The following PPHLN1 variants were observed in gnomAD, a reference collection of about 807,000 sequenced individuals.
PPHLN1 encodes the protein periphilin 1, also known as periphilin-1.
PPHLN1 carries 29 observed loss-of-function variants against 51.3 expected under a neutral mutation model. The observed-to-expected ratio is 0.57, with a 90% confidence interval of 0.42 to 0.77. The LOEUF is 0.77. Ranked by LOEUF, PPHLN1 falls within the 30% of genes least tolerant of loss-of-function variation. PPHLN1 has a pLI of 0.00. For missense variants in PPHLN1, 436 were observed against 438.4 expected (o/e 0.99, Z 0.05); for synonymous variants, 147 against 147.8 (o/e 0.99, Z 0.04).
At chr12:42,372,119 A>G (rs1015698156) in intron 4 of PPHLN1, among the ~76,000 whole-genome samples, 11 of 152,154 alleles carry the variant, frequency 7.2e-5, no homozygotes, top group Non-Finnish European at 1.3e-4. Context: ...TGGACACTAT[A>G]TACATTATAT....
At chr12:42,422,621 T>A (rs2081103106) in intron 9 of PPHLN1, among the ~76,000 whole-genome samples, 1 of 152,238 alleles carries the variant, frequency 6.6e-6, no homozygotes, top group Admixed American at 6.5e-5. Context: ...AAAGTTACAA[T>A]GTTGTAAACT....
intron 3 of PPHLN1, among the ~76,000 whole-genome samples, chr12:42,352,564 C>T (rs547709672): frequency 4.0e-5 from 6 of 151,646 alleles, no homozygotes; most frequent in Admixed American, 1.3e-4. Flanking sequence ...CACGTGCCAC[C>T]GTGCCTGGCT....
In PPHLN1 at chr12:42,427,892, C is replaced by G. The variant is rs202243176; in HGVS notation, c.910-13423C>G. 1.1e-3 allele frequency among the ~76,000 whole-genome samples: 173 copies of G among 152,022 alleles called. 1 individual carries two copies. In the South Asian group the frequency reaches 0.029, roughly 26 times the overall value. On this transcript the variant is annotated intron_variant, in intron 9 of 9. Transcript: ENST00000358314. ...AAGGACTAATACCCAGAATCTATAA[C>G]GAACTCAATCAAATCAGCAAGAAAA...
chr12:42,411,481 G>A (rs929564376), intron 9 of PPHLN1, among the ~76,000 whole-genome samples: 1 of 151,918 alleles, frequency 6.6e-6, no homozygotes, highest in Non-Finnish European at 1.5e-5. Flanking sequence ...TTACGAGACT[G>A]AACGAAGGGA....
At chr12:42,372,621 G>GT (rs1187000223) in intron 4 of PPHLN1, among the ~76,000 whole-genome samples, 9 of 152,016 alleles carry the variant, frequency 5.9e-5, no homozygotes, top group African/African-American at 1.9e-4. Context: ...TCATGGTAGA[G>GT]TTTTTTTAGC....
intron 4 of PPHLN1, among the ~76,000 whole-genome samples, chr12:42,373,570 C>T (rs561194786): frequency 1.3e-5 from 2 of 152,182 alleles, no homozygotes; most frequent in Non-Finnish European, 2.9e-5. Context: ...ACTCTTCTGT[C>T]TGAAATTTAG....
chr12:42,354,489 C>A (rs187668546), intron 3 of PPHLN1, among the ~76,000 whole-genome samples: 5 of 152,108 alleles, frequency 3.3e-5, no homozygotes, highest in African/African-American at 1.2e-4. Context: ...GAATTACAGG[C>A]GTGAGCCACT....
At chr12:42,379,920 C>G (rs2076618129) in intron 5 of PPHLN1, among the ~76,000 whole-genome samples, 1 of 151,994 alleles carries the variant, frequency 6.6e-6, no homozygotes, top group Non-Finnish European at 1.5e-5. Context: ...CTGTAGAAAC[C>G]TCTAGAGATC....
chr12:42,328,712 TA>T (rs1411683394), intron 1 of PPHLN1, among the ~76,000 whole-genome samples: 2 of 152,198 alleles, frequency 1.3e-5, no homozygotes, highest in Admixed American at 6.5e-5. Context: ...CAGTACTTTT[TA>T]TTTTTTTATT....
chr12:42,415,001 C>G (rs150906255), intron 9 of PPHLN1, among the ~76,000 whole-genome samples: 34 of 152,284 alleles, frequency 2.2e-4, no homozygotes, highest in African/African-American at 7.9e-4. Context: ...TCTGCTGACT[C>G]TTACTCGTGG....
chr12:42,431,897 C>T, intron 9 of PPHLN1: 5 of 1,594,996 alleles, frequency 3.1e-6, no homozygotes, highest in South Asian at 2.2e-5. Flanking sequence ...ATCAGAACAG[C>T]ATCTTCATCA....
intron 2 of PPHLN1, among the ~76,000 whole-genome samples, chr12:42,347,801 C>G (rs996347852): frequency 6.6e-6 from 1 of 152,112 alleles, no homozygotes; most frequent in Non-Finnish European, 1.5e-5. Context: ...AAGGGAAATT[C>G]TGAATTCTTT....
intron 4 of PPHLN1, among the ~76,000 whole-genome samples, chr12:42,367,183 A>G (rs191087687): frequency 3.0e-4 from 45 of 152,334 alleles, no homozygotes; most frequent in Admixed American, 1.2e-3. Context: ...TAATCCGTAA[A>G]TGAGAAAGGG....
intron 9 of PPHLN1, among the ~76,000 whole-genome samples, chr12:42,420,668 C>T (rs1217618531): frequency 1.1e-5 from 1 of 94,238 alleles, no homozygotes; most frequent in Non-Finnish European, 2.2e-5. Context: ...CCTTCCCTCC[C>T]GCCCTCCCCT....
At chr12:42,429,487 G>A (rs1444017513) in intron 9 of PPHLN1, among the ~76,000 whole-genome samples, 2 of 152,074 alleles carry the variant, frequency 1.3e-5, no homozygotes. Flanking sequence ...TTGCTTCCAA[G>A]GTGCTTAGAA....
intron 9 of PPHLN1, among the ~76,000 whole-genome samples, chr12:42,423,625 A>G (rs1235566262): frequency 6.6e-6 from 1 of 152,138 alleles, no homozygotes; most frequent in East Asian, 1.9e-4. Context: ...AGCAATAGCT[A>G]TATTTTCAAA....
downstream of PPHLN1, chr12:42,446,889 TG>T: frequency 2.5e-6 from 1 of 399,404 alleles, no homozygotes; most frequent in Admixed American, 3.8e-5. Context: ...TAGATAAGTT[TG>T]TTTACTTATG....
In PPHLN1 at chr12:42,441,301, G is replaced by A; in HGVS notation, c.910-14G>A. 2 of 1,601,164 alleles carry A rather than the reference G, an allele frequency of 1.2e-6. No homozygotes were observed. ...TTTCATTCTCAGCTAACCAGAATGT[G>A]TTTTACCTTTTAGGTTTACCGACAA... On this transcript the variant is annotated splice_polypyrimidine_tract_variant and intron_variant, in intron 9 of 9. Coordinates refer to ENST00000358314, the MANE Select transcript of PPHLN1 (RefSeq NM_201439.2).
At chr12:42,442,350 A>G (rs2083028806), downstream of PPHLN1, among the ~76,000 whole-genome samples, 1 of 152,220 alleles carries the variant, frequency 6.6e-6, no homozygotes, top group South Asian at 2.1e-4. Flanking sequence ...GTAGGTAACA[A>G]GGTAGTGTAA....
Sources: gnomAD v4.1 joint callset for allele counts (sites outside exome capture counted in the v4.1 genomes callset) on GRCh38, gnomAD v4.1.1 for gene constraint, MANE v1.5 for transcripts, NCBI Gene and HGNC (gene_info 2026-07-23, HGNC 2026-07-21) for gene names.